RIMS2: variants seen among roughly 807,000 people sequenced by gnomAD.
RIMS2 encodes the protein regulating synaptic membrane exocytosis 2.
Under a neutral mutation model 174.4 loss-of-function variants are expected in RIMS2, and 59 were observed. The observed-to-expected ratio is 0.34, with a 90% CI of 0.27 to 0.42. RIMS2 has a LOEUF of 0.42. Among genes scored for constraint, RIMS2 ranks in the 10% least tolerant of loss-of-function variants. The probability of loss-of-function intolerance (pLI) is 1.00; values close to 1 mark genes in which losing one functional copy is unlikely to be tolerated. For missense variants in RIMS2, 1,620 were observed against 1,666.3 expected (o/e 0.97, Z 0.48); for synonymous variants, 606 against 572.5 (o/e 1.06, Z -0.84).
chr8:104,206,628 C>T (rs922762930), intron 19 of RIMS2, among the ~76,000 whole-genome samples: 1 of 152,176 alleles, frequency 6.6e-6, no homozygotes, highest in Non-Finnish European at 1.5e-5. Context: ...TTACTATTAT[C>T]TCCTATTTAC....
chr8:103,623,824 A>G (rs2095706941), intron 1 of RIMS2, among the ~76,000 whole-genome samples: 1 of 151,332 alleles, frequency 6.6e-6, no homozygotes, highest in Admixed American at 6.6e-5. Context: ...AAGGAACTAG[A>G]GGTCATCAAG....
chr8:104,209,367 G>A (rs1198500023), intron 19 of RIMS2, among the ~76,000 whole-genome samples: 1 of 152,120 alleles, frequency 6.6e-6, no homozygotes, highest in Non-Finnish European at 1.5e-5. Flanking sequence ...CTCACACATT[G>A]TAGGTGCTAA....
chr8:103,715,338 C>T (rs1047384664), intron 2 of RIMS2, among the ~76,000 whole-genome samples: 11 of 152,080 alleles, frequency 7.2e-5, no homozygotes, highest in Non-Finnish European at 1.5e-4. Flanking sequence ...TGCCTGCCCC[C>T]GACCAACAGG....
At chr8:104,092,277 C>T (rs1033511050) in intron 19 of RIMS2, among the ~76,000 whole-genome samples, 2 of 151,722 alleles carry the variant, frequency 1.3e-5, no homozygotes, top group Non-Finnish European at 3.0e-5. Context: ...TTCTTTAAGA[C>T]ATAGCAAGTG....
chr8:103,891,994 A>C (rs1035023693), intron 4 of RIMS2, among the ~76,000 whole-genome samples: 2 of 151,960 alleles, frequency 1.3e-5, no homozygotes, highest in Non-Finnish European at 2.9e-5. Flanking sequence ...TAATCTCATA[A>C]TTTTTTATAA....
At chr8:103,849,883 A>G (rs2098988252) in intron 3 of RIMS2, among the ~76,000 whole-genome samples, 2 of 152,070 alleles carry the variant, frequency 1.3e-5, no homozygotes, top group Admixed American at 1.3e-4. Flanking sequence ...ACCATATTAT[A>G]AAAATTAACT....
At chr8:103,826,946 G>A (rs1255098744) in intron 3 of RIMS2, among the ~76,000 whole-genome samples, 1 of 151,904 alleles carries the variant, frequency 6.6e-6, no homozygotes, top group Non-Finnish European at 1.5e-5. Flanking sequence ...GAAGCACTGG[G>A]ATTACAGGCA....
intron 2 of RIMS2, among the ~76,000 whole-genome samples, chr8:103,742,368 T>C (rs1026987659): frequency 6.6e-6 from 1 of 152,140 alleles, no homozygotes; most frequent in Admixed American, 6.6e-5. Flanking sequence ...TTGTTATGAT[T>C]GCAAATGACT....
intron 2 of RIMS2, among the ~76,000 whole-genome samples, chr8:103,737,612 C>T (rs1321666795): frequency 6.6e-6 from 1 of 152,196 alleles, no homozygotes; most frequent in Non-Finnish European, 1.5e-5. Context: ...ACTCACGTAA[C>T]TTCCTATTGG....
intron 1 of RIMS2, among the ~76,000 whole-genome samples, chr8:103,552,266 G>A (rs1173201918): frequency 6.6e-6 from 1 of 152,052 alleles, no homozygotes; most frequent in African/African-American, 2.4e-5. Context: ...ATAGACCAAT[G>A]GAACAGAACA....
chr8:104,026,762 G>A (rs1041884837), intron 19 of RIMS2, among the ~76,000 whole-genome samples: 1 of 152,114 alleles, frequency 6.6e-6, no homozygotes, highest in African/African-American at 2.4e-5. Flanking sequence ...TCTAGGTATT[G>A]GATACCATTT....
chr8:103,832,212 T>C (rs1443546076), intron 3 of RIMS2, among the ~76,000 whole-genome samples: 1 of 152,232 alleles, frequency 6.6e-6, no homozygotes, highest in East Asian at 1.9e-4. Context: ...CTTACTTTTT[T>C]CATCAACTTT....
intron 19 of RIMS2, among the ~76,000 whole-genome samples, chr8:104,182,624 A>G (rs1380602666): frequency 6.6e-6 from 1 of 151,710 alleles, no homozygotes; most frequent in Non-Finnish European, 1.5e-5. Flanking sequence ...TTTCATACAA[A>G]TGGAGTCATA....
intron 3 of RIMS2, among the ~76,000 whole-genome samples, chr8:103,813,418 T>TTCTTTC (rs1201999264): frequency 1.1e-4 from 16 of 151,798 alleles, no homozygotes; most frequent in South Asian, 2.1e-4. Context: ...CTTTCTTTAT[T>TTCTTTC]ATACTTTAAG....
chr8:103,993,778 G>T (rs1203750865), intron 17 of RIMS2, among the ~76,000 whole-genome samples: 1 of 152,108 alleles, frequency 6.6e-6, no homozygotes, highest in African/African-American at 2.4e-5. Flanking sequence ...TGTAATGCCA[G>T]AACTTTGGGA....
At chr8:104,231,489 C>G (rs1011957177) in intron 19 of RIMS2, among the ~76,000 whole-genome samples, 12 of 152,084 alleles carry the variant, frequency 7.9e-5, no homozygotes, top group Admixed American at 3.9e-4. Context: ...TATATATATC[C>G]TGTCTAATTG....
intron 1 of RIMS2, among the ~76,000 whole-genome samples, chr8:103,676,319 G>T (rs1446512923): frequency 6.6e-6 from 1 of 152,122 alleles, no homozygotes; most frequent in East Asian, 1.9e-4. Flanking sequence ...CTAAGCTATT[G>T]TTTCTTAGCT....
chr8:103,633,871 A>G (rs910140733), intron 1 of RIMS2, among the ~76,000 whole-genome samples: 6 of 152,182 alleles, frequency 3.9e-5, no homozygotes, highest in African/African-American at 1.4e-4. Context: ...TGGCATCAGT[A>G]GTAACATTCC....
At chr8:103,582,711 G>C (rs1466141140) in intron 1 of RIMS2, among the ~76,000 whole-genome samples, 2 of 152,182 alleles carry the variant, frequency 1.3e-5, no homozygotes, top group Non-Finnish European at 2.9e-5. Flanking sequence ...CCTTTGGAAA[G>C]AGGAGGGAAG....
Sources: allele counts gnomAD v4.1 joint callset (sites outside exome capture counted in the v4.1 genomes callset), GRCh38; gene constraint gnomAD v4.1.1; transcripts MANE v1.5; gene names NCBI Gene and HGNC (gene_info 2026-07-23, HGNC 2026-07-21).